Variants in RBFOX1 observed in about 807,000 individuals in gnomAD.
The protein encoded by RBFOX1 is RNA binding protein fox-1 homolog 1.
Under a neutral mutation model 57.7 loss-of-function variants are expected in RBFOX1, and 8 were observed. The ratio of observed to expected loss-of-function variants is 0.14; its 90% CI spans 0.08 to 0.25. The LOEUF is 0.25. RBFOX1 is among the 10% of genes least tolerant of loss of function. The pLI is 1.00. For synonymous variants in RBFOX1, 326 were observed against 222.4 expected (o/e 1.47, Z -4.15); for missense variants, 611 against 548.5 (o/e 1.11, Z -1.14).
intron 3 of RBFOX1, among the ~76,000 whole-genome samples, chr16:6,825,252 T>C (rs969347905): frequency 1.3e-5 from 2 of 151,100 alleles, no homozygotes; most frequent in South Asian, 2.1e-4. Context: ...AGCTACTAGA[T>C]ACCAATGCCA....
intron 4 of RBFOX1, among the ~76,000 whole-genome samples, chr16:7,130,016 T>G (rs2069796913): frequency 6.6e-6 from 1 of 151,578 alleles, no homozygotes; most frequent in Non-Finnish European, 1.5e-5. Context: ...GCCTCTAATC[T>G]TCTTCATTTT....
intron 2 of RBFOX1, among the ~76,000 whole-genome samples, chr16:5,541,831 C>G (rs1431994499): frequency 6.6e-6 from 1 of 152,034 alleles, no homozygotes; most frequent in Non-Finnish European, 1.5e-5. Context: ...TTGGTTATTC[C>G]TCTCTTAGTT....
At chr16:5,676,618 G>C (rs2050176806) in intron 3 of RBFOX1, among the ~76,000 whole-genome samples, 1 of 152,106 alleles carries the variant, frequency 6.6e-6, no homozygotes, top group Admixed American at 6.6e-5. Flanking sequence ...CCCAGCACTT[G>C]GGGAGGCTGA....
chr16:6,883,543 C>T (rs1298646912), intron 3 of RBFOX1, among the ~76,000 whole-genome samples: 2 of 152,216 alleles, frequency 1.3e-5, no homozygotes, highest in Non-Finnish European at 2.9e-5. Flanking sequence ...CTAAACGGCA[C>T]ACTGCCATAT....
At chr16:7,344,420 T>C (rs1460953326) in intron 4 of RBFOX1, among the ~76,000 whole-genome samples, 1 of 150,046 alleles carries the variant, frequency 6.7e-6, no homozygotes, top group Admixed American at 6.7e-5. Flanking sequence ...CAATAATATA[T>C]GCAATAATAT....
chr16:7,548,810 A>T (rs564715226), intron 5 of RBFOX1, among the ~76,000 whole-genome samples: 72 of 152,316 alleles, frequency 4.7e-4, no homozygotes, highest in Middle Eastern at 3.4e-3. Context: ...TGACTGGTAG[A>T]AATCAGAGAG....
intron 3 of RBFOX1, among the ~76,000 whole-genome samples, chr16:7,001,280 C>G (rs570014370): frequency 6.6e-6 from 1 of 151,962 alleles, no homozygotes; most frequent in Non-Finnish European, 1.5e-5. Flanking sequence ...GGAGAGATTC[C>G]TTGCTTTGTG....
rs997934176 is a variant in RBFOX1 at position 6,097,716 on chromosome 16, A to C, written c.-127+77724A>C. ...TGTGAATCTGGAGCCCATAGACTCA[A>C]CTCCTGTGCTATACTGCCTCTGTGT... On this transcript the variant is annotated intron_variant, in intron 1 of 15. Transcript: ENST00000550418. The surrounding 1 kb of genome is among the most constrained non-coding windows in gnomAD (Gnocchi z 5.0). Among the ~76,000 whole-genome samples the C allele has an allele frequency of 2.7e-5, 4 of 149,218 alleles. No individual in the cohort carries two copies. Among genetic ancestry groups the C allele is most frequent in the Non-Finnish European group, 5.9e-5 (4 of 67,328 alleles).
chr16:6,399,225 A>G (rs2092966772), intron 2 of RBFOX1, among the ~76,000 whole-genome samples: 1 of 152,252 alleles, frequency 6.6e-6, no homozygotes. Flanking sequence ...GGCCTGGCCC[A>G]TGAAACCACT....
intron 2 of RBFOX1, among the ~76,000 whole-genome samples, chr16:5,569,063 G>A (rs2046176156): frequency 6.6e-6 from 1 of 150,914 alleles, no homozygotes; most frequent in Non-Finnish European, 1.5e-5. Context: ...TATTGGTCAG[G>A]TTGGTCTCGA....
intron 2 of RBFOX1, among the ~76,000 whole-genome samples, chr16:5,592,091 T>C (rs2047027497): frequency 6.6e-6 from 1 of 152,236 alleles, no homozygotes; most frequent in Admixed American, 6.5e-5. Context: ...ATTACAAGGA[T>C]TATGGGGATT....
intron 9 of RBFOX1, among the ~76,000 whole-genome samples, chr16:7,604,675 T>A (rs1288246903): frequency 2.0e-5 from 3 of 152,144 alleles, no homozygotes; most frequent in East Asian, 3.9e-4. Flanking sequence ...AAACATGATT[T>A]CTAGGTAGCC....
At chr16:6,007,454 C>T (rs950182686) in intron 4 of RBFOX1, among the ~76,000 whole-genome samples, 2 of 152,174 alleles carry the variant, frequency 1.3e-5, no homozygotes, top group African/African-American at 2.4e-5. Context: ...TCAGTCAGGT[C>T]TTGAGATGAA....
rs114160173 is a variant in RBFOX1 at position 6,503,972 on chromosome 16, A to G, written c.-63-150631A>G. 6.7e-3 allele frequency among the ~76,000 whole-genome samples: 1,016 copies of G among 152,312 alleles called. 9 individuals are homozygous for G. The highest frequency in any genetic ancestry group is 0.023 in the African/African-American group (956 of 41,576). ...CATCTTTGGCACTTGAATTCAAGAT[A>G]CATGTAGTCTCTCCCTTTTTAAGAG... On this transcript the variant is annotated intron_variant, in intron 2 of 15. Coordinates refer to ENST00000550418, the MANE Select transcript of RBFOX1 (RefSeq NM_018723.4).
At chr16:5,529,465 C>T (rs1243349748) in intron 2 of RBFOX1, among the ~76,000 whole-genome samples, 3 of 149,622 alleles carry the variant, frequency 2.0e-5, no homozygotes, top group African/African-American at 7.4e-5. Flanking sequence ...GGCATGATCT[C>T]AGCTCACTGC....
At chr16:7,311,956 G>C (rs1248749993) in intron 4 of RBFOX1, among the ~76,000 whole-genome samples, 1 of 152,226 alleles carries the variant, frequency 6.6e-6, no homozygotes, top group East Asian at 1.9e-4. Flanking sequence ...GGACTTAATT[G>C]CTCCTTCAGA....
At chr16:7,380,354 T>A (rs1319444924) in intron 4 of RBFOX1, among the ~76,000 whole-genome samples, 3 of 152,228 alleles carry the variant, frequency 2.0e-5, no homozygotes, top group African/African-American at 7.2e-5. Context: ...TGCAGATATT[T>A]TGTGCATATT....
rs1358750513 is a variant in RBFOX1 at position 7,711,310 on chromosome 16, C to T, written c.*565C>T. On this transcript the variant is annotated 3_prime_UTR_variant, in exon 16 of 16. Coordinates refer to ENST00000550418, the MANE Select transcript of RBFOX1 (RefSeq NM_018723.4). ...ATCAATGGTTCTAAGTTACTCATTG[C>T]CAGTTCAAGCCAAAGGTCATGTTGT... is the stretch of plus-strand genomic sequence containing the variant. The T allele has an allele frequency of 6.6e-6, 1 of 152,288 alleles. No individual in the cohort carries two copies. The highest frequency in any genetic ancestry group is 2.4e-5 in the African/African-American group (1 of 41,396). 9.4% of individuals were successfully genotyped at this position (152,288 alleles called of 1,614,324 possible). A position where few individuals can be genotyped will look rare whatever the true frequency, so the allele number is the denominator to read the frequency against.
chr16:7,450,824 G>C (rs925221526), intron 4 of RBFOX1, among the ~76,000 whole-genome samples: 1 of 152,124 alleles, frequency 6.6e-6, no homozygotes, highest in Admixed American at 6.6e-5. Context: ...GGATTCAGGG[G>C]TCTGGTGGGG....
Sources: gnomAD v4.1 joint callset for allele counts (sites outside exome capture counted in the v4.1 genomes callset) on GRCh38, gnomAD v4.1.1 for gene constraint, Gnocchi (gnomAD v3.1) non-coding constraint, MANE v1.5 for transcripts, NCBI Gene and HGNC (gene_info 2026-07-23, HGNC 2026-07-21) for gene names.